Variants in SEMA3F observed in about 807,000 individuals in gnomAD.
The protein encoded by SEMA3F is semaphorin 3F, also known as semaphorin-3F.
In SEMA3F, 30 loss-of-function variants were observed where a neutral mutation model predicts 98.5. That is an observed-to-expected ratio of 0.30 (90% CI 0.23 to 0.41). The LOEUF is 0.41. SEMA3F is among the 10% of genes least tolerant of loss of function. SEMA3F has a pLI of 1.00. For synonymous variants in SEMA3F, 380 were observed against 444.8 expected (o/e 0.85, Z 1.83); for missense variants, 866 against 1,119.3 (o/e 0.77, Z 3.23).
At chr3:50,160,568 G>A (rs1485532359) in intron 2 of SEMA3F, among the ~76,000 whole-genome samples, 1 of 152,246 alleles carries the variant, frequency 6.6e-6, no homozygotes. Context: ...AGGGTGAGGG[G>A]CAGTGGCCAT....
At chr3:50,176,956 C>A in intron 7 of SEMA3F, 95 bp downstream of exon 7, 1 of 1,013,584 alleles carries the variant, frequency 9.9e-7, no homozygotes, top group Non-Finnish European at 1.5e-6. Context: ...GGGCAGAGAC[C>A]ATGACTAGGC....
rs747093063 is a variant in SEMA3F at position 50,187,667 on chromosome 3, T to A, written c.1948-38T>A. 27 of 1,535,408 alleles carry A rather than the reference T, an allele frequency of 1.8e-5. No individual in the cohort carries two copies. The East Asian group carries it at 6.0e-4, about 34-fold the overall frequency. On this transcript the variant is annotated intron_variant, in intron 18 of 18. Coordinates refer to ENST00000002829, the MANE Select transcript of SEMA3F (RefSeq NM_004186.5). The stretch of plus-strand genomic sequence containing the variant: ...GTTGCTGGCTAGGGCCATAGGGTGG[T>A]CACAGAGCCTCTGAACCCCCTCTCC...
In SEMA3F at chr3:50,182,708, C is replaced by T. The variant is rs1413224070; in HGVS notation, c.828C>T (p.Tyr276=). 6.2e-7 allele frequency: 1 copy of T among 1,613,654 alleles called. No individual in the cohort carries two copies. The highest frequency in any genetic ancestry group is 2.2e-5 in the East Asian group (1 of 44,884). ...CGGAGCGCAATGATGATAAGCTTTA[C>T]TTCTTCTTCCGTGAGCGGTCGGCAG... The part of the protein sequence containing the change: ...DSAERNDDKL[Y]FFFRERSAEA... The change falls in exon 9 of 19, where the codon TAC becomes TAT. Residue 276 remains tyrosine, a synonymous_variant. Coordinates refer to ENST00000002829, the MANE Select transcript of SEMA3F (RefSeq NM_004186.5). This position sits in a 1 kb window ranked among gnomAD's most constrained non-coding sequence, Gnocchi z 4.5.
chr3:50,185,581 C>A (rs201188823), intron 14 of SEMA3F, 50 bp downstream of exon 14: 194 of 1,611,986 alleles, frequency 1.2e-4, no homozygotes, highest in Non-Finnish European at 1.6e-4. Flanking sequence ...ACCCTCCCCC[C>A]AGTCCCAGCC....
chr3:50,158,743 G>A lies in SEMA3F; in HGVS notation c.-48-832G>A, dbSNP rs979001862. 5.3e-5 allele frequency among the ~76,000 whole-genome samples: 8 copies of A among 152,192 alleles called. No individual in the cohort carries two copies. The highest frequency in any genetic ancestry group is 1.0e-4 in the Non-Finnish European group (7 of 68,026). On this transcript the variant is annotated intron_variant, in intron 1 of 18. Coordinates refer to ENST00000002829, the MANE Select transcript of SEMA3F (RefSeq NM_004186.5). The surrounding 1 kb of genome is among the most constrained non-coding windows in gnomAD (Gnocchi z 4.8). ...GTTCTGACAACTGGTGCTGGGCTGC[G>A]TTTACCCAACAGCCAGCCTGCCTGG...
chr3:50,172,687 G>A (rs957684475), intron 2 of SEMA3F, among the ~76,000 whole-genome samples: 2 of 152,164 alleles, frequency 1.3e-5, no homozygotes, highest in Admixed American at 1.3e-4. Flanking sequence ...GCCTTATAGG[G>A]TCTGGGGGAA....
rs761147362 is a variant in SEMA3F at position 50,175,177 on chromosome 3, G to T, written c.538G>T (p.Ala180Ser). Residue 180 changes from alanine (A) to serine (S), a missense_variant, in exon 6 of 19, where the codon GCC becomes TCC. This residue lies in a region of SEMA3F where 247 missense variants were observed against 276.0 expected (regional missense o/e 0.89). Coordinates refer to ENST00000002829, the MANE Select transcript of SEMA3F (RefSeq NM_004186.5). ...TGGTGCCCTCCGCCCGATGCCCACA[G>T]CCCCACGCCAGGTGGGCCTCATCCC... Reference protein sequence around the residue: ...TDGALRPMPTAPRQDYIFYLE... With the variant: ...TDGALRPMPTSPRQDYIFYLE... The T allele has an allele frequency of 6.3e-7, 1 of 1,596,880 alleles. No individual in the cohort carries two copies. The highest frequency in any genetic ancestry group is 1.7e-5 in the Admixed American group (1 of 58,362).
chr3:50,187,752 C>T lies in SEMA3F; in HGVS notation c.1995C>T (p.Leu665=). The T allele has an allele frequency of 1.2e-6, 2 of 1,612,538 alleles. No individual in the cohort carries two copies. The highest frequency in any genetic ancestry group is 1.7e-6 in the Non-Finnish European group (2 of 1,179,390). ...TGCGCACAGAGCAGGGCTTGTTGCT[C>T]CGTGCACTGCAGCTCAGCGATCGTG... ...RFLRTEQGLL[L]RALQLSDRGL... Residue 665 remains leucine, a synonymous_variant, in exon 19 of 19, where the codon CTC becomes CTT. Transcript: ENST00000002829.
At chr3:50,176,049 C>T (rs956981330) in intron 6 of SEMA3F, among the ~76,000 whole-genome samples, 1 of 152,116 alleles carries the variant, frequency 6.6e-6, no homozygotes, top group Non-Finnish European at 1.5e-5. Flanking sequence ...GTGCTCACCC[C>T]TGTCCCAGTG....
intron 1 of SEMA3F, 128 bp from the exon 2 acceptor site, chr3:50,159,447 A>G: frequency 6.9e-6 from 4 of 575,990 alleles, no homozygotes. Context: ...GTGTGCACAC[A>G]GGGGCATTCA....
At chr3:50,169,633 C>T (rs79422458) in intron 2 of SEMA3F, among the ~76,000 whole-genome samples, 2 of 152,296 alleles carry the variant, frequency 1.3e-5, no homozygotes, top group East Asian at 3.9e-4. Context: ...CTGATCCCCA[C>T]AGAACCCTTG....
In SEMA3F at chr3:50,188,132, C is replaced by T. The variant is rs758942510; in HGVS notation, c.*17C>T. The T allele has an allele frequency of 5.5e-6, 8 of 1,444,402 alleles. No homozygotes were observed. The African/African-American group carries it at 1.0e-4, about 18-fold the overall frequency. The allele number at this position is 1,444,402 out of a possible 1,614,324, so 89.5% of individuals were successfully genotyped here. ...GACACATGAGGCCAGCTGCCTGTGC[C>T]TGCCATGGGCCAGCCTAGCCCTTGT... On this transcript the variant is annotated 3_prime_UTR_variant, in exon 19 of 19. Coordinates refer to ENST00000002829, the MANE Select transcript of SEMA3F (RefSeq NM_004186.5). The surrounding 1 kb of genome is among the most constrained non-coding windows in gnomAD (Gnocchi z 4.5).
At chr3:50,169,252 G>A (rs910668233) in intron 2 of SEMA3F, among the ~76,000 whole-genome samples, 1 of 152,238 alleles carries the variant, frequency 6.6e-6, no homozygotes, top group Non-Finnish European at 1.5e-5. Context: ...TCACCTGCCC[G>A]CACCTTTAAA....
intron 2 of SEMA3F, among the ~76,000 whole-genome samples, chr3:50,160,168 G>C (rs1458714184): frequency 6.6e-6 from 1 of 152,154 alleles, no homozygotes; most frequent in Non-Finnish European, 1.5e-5. Context: ...TGGAACCTCT[G>C]GACACTGGAA....
Position 50,186,044 on chromosome 3 carries a change from G to A in SEMA3F, c.1743G>A (p.Lys581=). Residue 581 remains lysine (K), a splice_region_variant and synonymous_variant, in exon 16 of 19, where the codon AAG becomes AAA. Transcript: ENST00000002829. ...QACSRYTASS[K]RRSRRQDVRH... The stretch of plus-strand genomic sequence containing the variant: ...GCTCCCGCTATACAGCATCCTCCAA[G>A]AGGTGTGGACCCCTAGACACCTAGA... 1 of 1,609,700 alleles carries A rather than the reference G, an allele frequency of 6.2e-7. No individual in the cohort carries two copies. The highest frequency in any genetic ancestry group is 8.5e-7 in the Non-Finnish European group (1 of 1,177,046).
Position 50,185,551 on chromosome 3 carries a change from G to C in SEMA3F, c.1545+20G>C, listed in dbSNP as rs1017151120. 5 of 1,612,278 alleles carry C rather than the reference G, an allele frequency of 3.1e-6. No homozygotes were observed. In the Admixed American group the frequency reaches 6.7e-5, roughly 22 times the overall value. On this transcript the variant is annotated intron_variant, in intron 14 of 18. Coordinates refer to ENST00000002829, the MANE Select transcript of SEMA3F (RefSeq NM_004186.5). ...TTCAAGGTGGGTGTGACACCACCCAGTCCTGACCTCCCCACCTTTACCCTC... is the reference window on the plus strand; with the variant it reads ...TTCAAGGTGGGTGTGACACCACCCACTCCTGACCTCCCCACCTTTACCCTC...
chr3:50,185,405 T>C, intron 13 of SEMA3F, 38 bp from the exon 14 acceptor site: 2 of 991,940 alleles, frequency 2.0e-6, no homozygotes, highest in Non-Finnish European at 3.1e-6. Flanking sequence ...TTCCCCAGCA[T>C]CCCCAGCCCC....
chr3:50,167,719 T>C (rs937976959), intron 2 of SEMA3F, among the ~76,000 whole-genome samples: 1 of 152,306 alleles, frequency 6.6e-6, no homozygotes, highest in Non-Finnish European at 1.5e-5. Flanking sequence ...ATTTCCCATC[T>C]TGAGGGTCCC....
At chr3:50,186,400 C>T (rs749395781) in intron 17 of SEMA3F, 52 bp downstream of exon 17, 8 of 1,566,650 alleles carry the variant, frequency 5.1e-6, no homozygotes, top group Non-Finnish European at 7.0e-6. Flanking sequence ...CAGAAGTCCA[C>T]GCAGCCCACG....
Sources: gnomAD v4.1 joint callset for allele counts (sites outside exome capture counted in the v4.1 genomes callset) on GRCh38, gnomAD v4.1.1 for gene constraint, gnomAD v4.1.1 regional missense constraint, Gnocchi (gnomAD v3.1) non-coding constraint, MANE v1.5 for transcripts, NCBI Gene and HGNC (gene_info 2026-07-23, HGNC 2026-07-21) for gene names.